SZRD1: variants seen among roughly 807,000 people sequenced by gnomAD.
The protein encoded by SZRD1 is SUZ RNA binding domain containing 1, also known as SUZ RNA-binding domain-containing.
Under a neutral mutation model 17.6 loss-of-function variants are expected in SZRD1, and 7 were observed. That is an observed-to-expected ratio of 0.40 (90% CI 0.23 to 0.75). SZRD1 has a LOEUF of 0.75. Ranked by LOEUF, SZRD1 falls within the 30% of genes least tolerant of loss-of-function variation. SZRD1 has a pLI of 0.38. For synonymous variants in SZRD1, 77 were observed against 77.9 expected (o/e 0.99, Z 0.06); for missense variants, 178 against 201.8 (o/e 0.88, Z 0.71).
At chr1:16,377,621 C>T (rs2083027852) in intron 1 of SZRD1, among the ~76,000 whole-genome samples, 1 of 150,382 alleles carries the variant, frequency 6.6e-6, no homozygotes. Flanking sequence ...TAACGGCCTA[C>T]TTTTCTCCAT....
rs1264843814 is a variant in SZRD1, at chr1:16,393,869, A to G, written c.356+387A>G. ...AAAAAATGGGATAATAATAGTACCA[A>G]CCTTATCAAGGTGTTGTGCAATTCA... On this transcript the variant is annotated intron_variant, in intron 3 of 3. Coordinates refer to ENST00000401088, the MANE Select transcript of SZRD1 (RefSeq NM_001114600.3). This position sits in a 1 kb window ranked among gnomAD's most constrained non-coding sequence, Gnocchi z 5.6. 6.6e-6 allele frequency among the ~76,000 whole-genome samples: 1 copy of G among 152,168 alleles called. No individual in the cohort carries two copies. The highest frequency in any genetic ancestry group is 1.5e-5 in the Non-Finnish European group (1 of 68,034).
chr1:16,384,268 C>G (rs1461182435), intron 1 of SZRD1, among the ~76,000 whole-genome samples: 2 of 151,362 alleles, frequency 1.3e-5, no homozygotes, highest in Non-Finnish European at 2.9e-5. Flanking sequence ...TGGCCAGGCA[C>G]AGTGGCTCAC....
At chr1:16,370,629 A>T (rs2082898555) in intron 1 of SZRD1, among the ~76,000 whole-genome samples, 1 of 142,030 alleles carries the variant, frequency 7.0e-6, no homozygotes, top group Non-Finnish European at 1.5e-5. Context: ...AGCTTTCATT[A>T]AAAAAAAAAA....
At chr1:16,387,469 A>G (rs7512579) in intron 1 of SZRD1, 5,221 of 453,684 alleles carry the variant, frequency 0.012, 231 homozygotes, top group African/African-American at 0.092. Context: ...GTGCATTGCC[A>G]TAAAAATACT....
chr1:16,391,233 T>C lies in SZRD1; in HGVS notation c.52-142T>C. On this transcript the variant is annotated intron_variant, in intron 1 of 3. Transcript: ENST00000401088. This position sits in a 1 kb window ranked among gnomAD's most constrained non-coding sequence, Gnocchi z 4.3. ...GGTATCAGGTCCCCAAACCCCAAAATCTAGTCCACATTTGTTATGTTGAAG... is the reference window on the plus strand; with the variant it reads ...GGTATCAGGTCCCCAAACCCCAAAACCTAGTCCACATTTGTTATGTTGAAG... 1.5e-6 allele frequency: 1 copy of C among 663,104 alleles called. No homozygotes were observed. The highest frequency in any genetic ancestry group is 2.6e-6 in the Non-Finnish European group (1 of 380,516). The allele number at this position is 663,104 out of a possible 1,614,324, so 41.1% of individuals were successfully genotyped here. A position where few individuals can be genotyped will look rare whatever the true frequency, so the allele number is the denominator to read the frequency against.
Position 16,391,236 on chromosome 1 carries a change from A to C in SZRD1, c.52-139A>C. On this transcript the variant is annotated intron_variant, in intron 1 of 3. Coordinates refer to ENST00000401088, the MANE Select transcript of SZRD1 (RefSeq NM_001114600.3). The surrounding 1 kb of genome is among the most constrained non-coding windows in gnomAD (Gnocchi z 4.3). ...ATCAGGTCCCCAAACCCCAAAATCT[A>C]GTCCACATTTGTTATGTTGAAGGAC... 1 of 668,120 alleles carries C rather than the reference A, an allele frequency of 1.5e-6. No homozygotes were observed. The highest frequency in any genetic ancestry group is 2.6e-6 in the Non-Finnish European group (1 of 384,128). 41.4% of individuals were successfully genotyped at this position (668,120 alleles called of 1,614,324 possible). A position where few individuals can be genotyped will look rare whatever the true frequency, so the allele number is the denominator to read the frequency against.
intron 1 of SZRD1, among the ~76,000 whole-genome samples, chr1:16,375,103 C>G (rs911689251): frequency 6.6e-6 from 1 of 152,084 alleles, no homozygotes; most frequent in Non-Finnish European, 1.5e-5. Context: ...GTCTCAAACT[C>G]GTGACCTCGT....
intron 1 of SZRD1, among the ~76,000 whole-genome samples, chr1:16,389,273 GGGT>G (rs1361909608): frequency 3.0e-5 from 4 of 135,192 alleles, no homozygotes; most frequent in Admixed American, 7.4e-5. Context: ...TTTTGAGGGG[GGGT>G]GGGGGGGGGG....
At chr1:16,383,877 C>G (rs1352612578) in intron 1 of SZRD1, among the ~76,000 whole-genome samples, 2 of 152,172 alleles carry the variant, frequency 1.3e-5, no homozygotes, top group African/African-American at 2.4e-5. Context: ...CTGGGCCTCT[C>G]AAAGTGCTGG....
intron 1 of SZRD1, among the ~76,000 whole-genome samples, chr1:16,385,198 A>T (rs2083168290): frequency 6.6e-6 from 1 of 152,112 alleles, no homozygotes; most frequent in Non-Finnish European, 1.5e-5. Flanking sequence ...AGAGAGAGGG[A>T]TGCTGTGATG....
intron 1 of SZRD1, among the ~76,000 whole-genome samples, chr1:16,374,521 CCTT>C (rs2082966566): frequency 6.6e-6 from 1 of 152,184 alleles, no homozygotes; most frequent in Non-Finnish European, 1.5e-5. Context: ...CAATCACAGG[CCTT>C]CTTGTTTTTA....
intron 1 of SZRD1, chr1:16,387,110 A>G (rs1557628905): frequency 2.9e-6 from 1 of 347,476 alleles, no homozygotes; most frequent in Non-Finnish European, 5.7e-6. Flanking sequence ...GCCATAATAC[A>G]TTATATCGAT....
At chr1:16,387,070 A>AC in intron 1 of SZRD1, 3 of 323,318 alleles carry the variant, frequency 9.3e-6, no homozygotes, top group South Asian at 7.6e-5. Context: ...GTGTGAGCAG[A>AC]AAATGAATGT....
intron 1 of SZRD1, among the ~76,000 whole-genome samples, chr1:16,377,562 C>CAAAAA (rs34066824): frequency 4.8e-5 from 3 of 62,050 alleles, no homozygotes; most frequent in African/African-American, 6.4e-5. Context: ...GACTCTGTCT[C>CAAAAA]AAAAAAAAAA....
chr1:16,394,977 A>C, intron 3 of SZRD1, 61 bp from the exon 4 acceptor site: 1 of 965,858 alleles, frequency 1.0e-6, no homozygotes, highest in South Asian at 1.5e-5. Flanking sequence ...AAAATAAAGA[A>C]ATGATGGGGG....
chr1:16,387,463 A>T (rs1234385260), intron 1 of SZRD1: 4 of 452,806 alleles, frequency 8.8e-6, no homozygotes, highest in African/African-American at 8.0e-5. Context: ...AATTCAGTGC[A>T]TTGCCATAAA....
chr1:16,376,805 CAAAAAAAA>C (rs59746262), intron 1 of SZRD1, among the ~76,000 whole-genome samples: 1 of 75,616 alleles, frequency 1.3e-5, no homozygotes, highest in Admixed American at 1.6e-4. Context: ...GACTCTGTCT[CAAAAAAAA>C]AAAAAAAAAA....
intron 1 of SZRD1, chr1:16,369,126 C>T: frequency 2.5e-6 from 1 of 400,470 alleles, no homozygotes; most frequent in Non-Finnish European, 4.5e-6. Context: ...AAAACTTATA[C>T]AAAATATTCC....
intron 1 of SZRD1, among the ~76,000 whole-genome samples, chr1:16,371,857 G>T (rs1374170668): frequency 6.6e-6 from 1 of 152,194 alleles, no homozygotes; most frequent in Non-Finnish European, 1.5e-5. Context: ...GAGTAGCTGG[G>T]CCCACAGGCG....
Sources: gnomAD v4.1 joint callset for allele counts (sites outside exome capture counted in the v4.1 genomes callset) on GRCh38, gnomAD v4.1.1 for gene constraint, Gnocchi (gnomAD v3.1) non-coding constraint, MANE v1.5 for transcripts, NCBI Gene and HGNC (gene_info 2026-07-23, HGNC 2026-07-21) for gene names.